PCDH11Y: variants seen among roughly 807,000 people sequenced by gnomAD.
PCDH11Y encodes protocadherin 11 Y-linked.
For missense variants in PCDH11Y, 12 were observed against 224.8 expected (o/e 0.05, Z 6.05); for synonymous variants, 9 against 83.6 (o/e 0.11, Z 4.87).
chrY:5,095,439 C>G, intron 1 of PCDH11Y, among the ~76,000 whole-genome samples: 2 of 32,597 alleles, frequency 6.1e-5, no homozygotes. Flanking sequence ...TAGGAGAATG[C>G]TCTCACTATA....
intron 2 of PCDH11Y, among the ~76,000 whole-genome samples, chrY:5,273,722 A>G: frequency 3.0e-5 from 1 of 33,177 alleles, no homozygotes; most frequent in Non-Finnish European, 7.4e-5. Flanking sequence ...AAGGTTGCCT[A>G]TCTCTTAGCT....
intron 2 of PCDH11Y, among the ~76,000 whole-genome samples, chrY:5,451,574 A>C (rs2124682760): frequency 3.0e-5 from 1 of 33,187 alleles, no homozygotes; most frequent in African/African-American, 1.2e-4. Flanking sequence ...GCTGACATTC[A>C]TAGGTCATTC....
At chrY:5,050,878 T>C (rs2052650802) in intron 3 of PCDH11Y, among the ~76,000 whole-genome samples, 30 of 31,676 alleles carry the variant, frequency 9.5e-4, no homozygotes, top group Admixed American at 1.8e-3. Context: ...CACACAATTA[T>C]ATATATATAT....
chrY:5,347,429 C>A (rs2053153552), intron 2 of PCDH11Y, among the ~76,000 whole-genome samples: 1 of 32,568 alleles, frequency 3.1e-5, no homozygotes, highest in Admixed American at 2.9e-4. Flanking sequence ...CCAGCCTGGG[C>A]GACAGAGTGA....
At chrY:5,153,363 A>G in intron 2 of PCDH11Y, among the ~76,000 whole-genome samples, 2 of 32,928 alleles carry the variant, frequency 6.1e-5, no homozygotes, top group African/African-American at 2.4e-4. Flanking sequence ...ATGCAAATAT[A>G]TGACATGTTG....
chrY:5,304,447 A>T (rs2053087472), intron 2 of PCDH11Y, among the ~76,000 whole-genome samples: 1 of 33,350 alleles, frequency 3.0e-5, no homozygotes, highest in Non-Finnish European at 7.4e-5. Context: ...TTCCCAAAGG[A>T]TGTTGTGGTA....
intron 2 of PCDH11Y, among the ~76,000 whole-genome samples, chrY:5,165,406 A>T: frequency 6.1e-5 from 2 of 32,931 alleles, no homozygotes. Context: ...ACCTGGAAAC[A>T]TCTCCAAATA....
chrY:5,213,444 C>T (rs2052941601), intron 2 of PCDH11Y, among the ~76,000 whole-genome samples: 1 of 32,087 alleles, frequency 3.1e-5, no homozygotes, highest in African/African-American at 1.2e-4. Flanking sequence ...GCTACCCATT[C>T]TTGGGCTTCC....
intron 2 of PCDH11Y, among the ~76,000 whole-genome samples, chrY:5,309,095 A>G (rs2053093942): frequency 6.7e-4 from 22 of 32,922 alleles, no homozygotes; most frequent in Non-Finnish European, 1.4e-3. Flanking sequence ...AAAAAAAAAA[A>G]GAAATAGTCT....
intron 2 of PCDH11Y, among the ~76,000 whole-genome samples, chrY:5,328,763 A>C: frequency 3.1e-5 from 1 of 31,910 alleles, no homozygotes; most frequent in African/African-American, 1.2e-4. Flanking sequence ...GGAGGCGATA[A>C]AAAGATTATA....
At chrY:5,047,041 C>T (rs2052644085) in intron 3 of PCDH11Y, among the ~76,000 whole-genome samples, 1 of 33,495 alleles carries the variant, frequency 3.0e-5, no homozygotes, top group African/African-American at 1.2e-4. Flanking sequence ...GAACCCAGTA[C>T]CTCAGATGGA....
intron 2 of PCDH11Y, among the ~76,000 whole-genome samples, chrY:5,453,946 T>G: frequency 9.8e-5 from 3 of 30,688 alleles, no homozygotes; most frequent in African/African-American, 3.9e-4. Flanking sequence ...CTTGGCCCCC[T>G]CAAATCTCAT....
intron 4 of PCDH11Y, among the ~76,000 whole-genome samples, chrY:5,679,043 G>T: frequency 9.3e-5 from 3 of 32,425 alleles, no homozygotes; most frequent in African/African-American, 2.4e-4. Context: ...GGGTTTCTAG[G>T]TAAACATGAA....
chrY:5,017,034 C>T, intron 1 of PCDH11Y, among the ~76,000 whole-genome samples: 1 of 33,289 alleles, frequency 3.0e-5, no homozygotes, highest in Non-Finnish European at 7.5e-5. Context: ...AGCAAACATA[C>T]CTTTAAAGGT....
intron 2 of PCDH11Y, among the ~76,000 whole-genome samples, chrY:5,189,543 A>G (rs2052910016): frequency 3.0e-5 from 1 of 33,599 alleles, no homozygotes; most frequent in African/African-American, 1.2e-4. Flanking sequence ...GGAGACATAC[A>G]TAAGGGCAGA....
chrY:5,073,147 G>T, intron 1 of PCDH11Y, among the ~76,000 whole-genome samples: 1 of 33,485 alleles, frequency 3.0e-5, no homozygotes, highest in African/African-American at 1.2e-4. Context: ...CAGGTGGTCT[G>T]ATCGTTAGAC....
At chrY:5,675,786 A>T in intron 4 of PCDH11Y, among the ~76,000 whole-genome samples, 1 of 33,712 alleles carries the variant, frequency 3.0e-5, no homozygotes. Flanking sequence ...GTGGACTCTC[A>T]TGATCTTAGG....
intron 2 of PCDH11Y, among the ~76,000 whole-genome samples, chrY:5,497,893 A>G: frequency 2.9e-5 from 1 of 34,013 alleles, no homozygotes; most frequent in African/African-American, 1.1e-4. Flanking sequence ...TTTAAGGACA[A>G]CTTGGTGGGT....
At chrY:5,676,282 G>A in intron 4 of PCDH11Y, among the ~76,000 whole-genome samples, 1 of 32,216 alleles carries the variant, frequency 3.1e-5, no homozygotes, top group Non-Finnish European at 7.6e-5. Context: ...CCCTGAGGCT[G>A]CACAGAGAAG....
Sources: allele counts gnomAD v4.1 joint callset (sites outside exome capture counted in the v4.1 genomes callset), GRCh38; gene constraint gnomAD v4.1.1; transcripts MANE v1.5; gene names NCBI Gene and HGNC (gene_info 2026-07-23, HGNC 2026-07-21).